Variants in SRGAP2C observed in about 807,000 individuals in gnomAD.
SRGAP2C encodes SLIT-ROBO Rho GTPase activating protein 2C.
A neutral mutation model predicts 25.1 loss-of-function variants in SRGAP2C; 15 were observed. The ratio of observed to expected loss-of-function variants is 0.60; its 90% confidence interval spans 0.40 to 0.92. The LOEUF (loss-of-function observed/expected upper bound fraction) is 0.92, where lower values mean the gene tolerates loss of function less well. Ranked by LOEUF, SRGAP2C falls within the 40% of genes least tolerant of loss-of-function variation. The probability of loss-of-function intolerance (pLI) is 0.00; values close to 1 mark genes in which losing one functional copy is unlikely to be tolerated. For synonymous variants in SRGAP2C, 44 were observed against 96.6 expected, an observed-to-expected ratio of 0.46 and a Z score of 3.19; for missense variants, 144 against 264.4, an observed-to-expected ratio of 0.54 and a Z score of 3.16.
chr1:121,190,069 G>T, intron 2 of SRGAP2C, among the ~76,000 whole-genome samples: 1 of 151,474 alleles, frequency 6.6e-6, no homozygotes, highest in Middle Eastern at 3.5e-3. Context: ...CTCTACCCTC[G>T]TGGAGCTTAT....
rs1137590 is a variant in SRGAP2C at position 121,390,861 on chromosome 1, T to A, written c.*3006T>A. The A allele has an allele frequency of 0.59, 89,005 of 150,404 alleles. 26,430 individuals carry two copies. Among genetic ancestry groups the A allele is most frequent in the East Asian group, 0.8 (4,033 of 5,056 alleles). The allele number at this position is 150,404 out of a possible 1,614,324, so 9.3% of individuals were successfully genotyped here. ...TTCAAGACCAGCCTGGACAATGTGGTGAAACCCTGTCTCTACTAAAAACAC... is the reference window on the plus strand; with the variant it reads ...TTCAAGACCAGCCTGGACAATGTGGAGAAACCCTGTCTCTACTAAAAACAC... On this transcript the variant is annotated 3_prime_UTR_variant, in exon 10 of 10. Coordinates refer to ENST00000367123, the MANE Select transcript of SRGAP2C (RefSeq NM_001329984.2).
At chr1:121,204,693 T>C (rs1655075043) in intron 2 of SRGAP2C, among the ~76,000 whole-genome samples, 1 of 152,230 alleles carries the variant, frequency 6.6e-6, no homozygotes, top group Non-Finnish European at 1.5e-5. Flanking sequence ...CAATACCTGC[T>C]CCCGGATTTA....
chr1:121,362,855 T>G (rs1659233265), intron 4 of SRGAP2C: 1 of 141,088 alleles, frequency 7.1e-6, no homozygotes, highest in South Asian at 2.5e-4. Flanking sequence ...TCTTGTGGCT[T>G]CTTCCAGCAG....
chr1:121,264,642 T>G (rs1293979860), intron 2 of SRGAP2C, among the ~76,000 whole-genome samples: 1 of 151,302 alleles, frequency 6.6e-6, no homozygotes, highest in Non-Finnish European at 1.5e-5. Context: ...CCTGCCTTCT[T>G]CCCATAGGTA....
chr1:121,287,846 C>T (rs1290055260), intron 3 of SRGAP2C, among the ~76,000 whole-genome samples: 1 of 151,992 alleles, frequency 6.6e-6, no homozygotes, highest in Non-Finnish European at 1.5e-5. Flanking sequence ...GTGAGTGTTA[C>T]AGCTCTTAAG....
intron 2 of SRGAP2C, among the ~76,000 whole-genome samples, chr1:121,211,279 A>G (rs1655245766): frequency 6.7e-6 from 1 of 148,282 alleles, no homozygotes; most frequent in African/African-American, 2.5e-5. Flanking sequence ...TACCTCATTT[A>G]TTCTCTAGGG....
At chr1:121,213,206 C>T (rs1655310931) in intron 2 of SRGAP2C, among the ~76,000 whole-genome samples, 1 of 148,712 alleles carries the variant, frequency 6.7e-6, no homozygotes, top group Non-Finnish European at 1.5e-5. Context: ...TCACCATGCT[C>T]TTGTAATTTT....
chr1:121,303,969 C>A (rs1321174703), intron 3 of SRGAP2C, among the ~76,000 whole-genome samples: 1 of 146,028 alleles, frequency 6.8e-6, no homozygotes, highest in Admixed American at 6.8e-5. Context: ...CTTTGGGAGG[C>A]CGAGGCGGGC....
intron 3 of SRGAP2C, among the ~76,000 whole-genome samples, chr1:121,315,620 C>T (rs1553340530): frequency 6.7e-6 from 1 of 149,682 alleles, no homozygotes; most frequent in East Asian, 2.0e-4. Flanking sequence ...TTAGAGCACA[C>T]AAGCCAATGG....
chr1:121,231,624 A>T (rs1334481688), intron 2 of SRGAP2C, among the ~76,000 whole-genome samples: 51 of 151,916 alleles, frequency 3.4e-4, no homozygotes, highest in African/African-American at 1.1e-3. Context: ...AAGTCAGAAG[A>T]TGTTATGATT....
In SRGAP2C at chr1:121,290,817, T is replaced by TA. The variant is rs1412287473; in HGVS notation, c.260+5837dup. On this transcript the variant is annotated intron_variant, in intron 3 of 9. Transcript: ENST00000367123. ...GGGTGACAGAGTGAGACCCTGTGTC[T>TA]AAAAAAAAAAAAAAATCCCTGGTTA... is the stretch of plus-strand genomic sequence containing the variant. Among the ~76,000 whole-genome samples, 204 of 38,134 alleles carry TA rather than the reference T, an allele frequency of 5.3e-3. 5 individuals carry two copies. The highest frequency in any genetic ancestry group is 0.021 in the African/African-American group (180 of 8,564). The allele number at this position is 38,134 out of a possible 152,430, so 25.0% of individuals were successfully genotyped here. A position where few individuals can be genotyped will look rare whatever the true frequency, so the allele number is the denominator to read the frequency against.
chr1:121,368,596 G>T (rs1384254421), intron 5 of SRGAP2C, among the ~76,000 whole-genome samples: 3 of 151,876 alleles, frequency 2.0e-5, no homozygotes, highest in Non-Finnish European at 2.9e-5. Context: ...GGTTAAAAAG[G>T]GTTAATTGGT....
chr1:121,265,677 GT>G (rs1656758719), intron 2 of SRGAP2C, among the ~76,000 whole-genome samples: 2 of 147,006 alleles, frequency 1.4e-5, no homozygotes, highest in Non-Finnish European at 3.0e-5. Context: ...CATGGTAGCG[GT>G]TACCACAGAG....
chr1:121,259,843 C>CT (rs782529398), intron 2 of SRGAP2C, among the ~76,000 whole-genome samples: 4,651 of 107,678 alleles, frequency 0.043, 188 homozygotes, highest in East Asian at 0.17. Flanking sequence ...TCTTCTTCTA[C>CT]TTTTTTTTTT....
intron 2 of SRGAP2C, among the ~76,000 whole-genome samples, chr1:121,233,185 C>T (rs1176331868): frequency 0.014 from 1,698 of 119,750 alleles, no homozygotes; most frequent in Middle Eastern, 0.06. Context: ...CTTGCTCTGT[C>T]GCCCAGTCTG....
chr1:121,308,880 G>A (rs1435945704), intron 3 of SRGAP2C, among the ~76,000 whole-genome samples: 18 of 139,374 alleles, frequency 1.3e-4, no homozygotes, highest in Non-Finnish European at 2.2e-4. Context: ...CGGAGGTTGC[G>A]GTGAGCCGAG....
At chr1:121,305,204 G>A (rs1222758417) in intron 3 of SRGAP2C, among the ~76,000 whole-genome samples, 3 of 151,482 alleles carry the variant, frequency 2.0e-5, no homozygotes, top group African/African-American at 7.3e-5. Context: ...CAAGAATCCA[G>A]CATCAGCATC....
chr1:121,255,344 A>G (rs1553332172), intron 2 of SRGAP2C, among the ~76,000 whole-genome samples: 2 of 151,860 alleles, frequency 1.3e-5, no homozygotes, highest in Non-Finnish European at 2.9e-5. Flanking sequence ...TTTCAGAATA[A>G]GTGCTTCTAC....
At chr1:121,309,569 C>A (rs1657933615) in intron 3 of SRGAP2C, among the ~76,000 whole-genome samples, 1 of 151,764 alleles carries the variant, frequency 6.6e-6, no homozygotes, top group Non-Finnish European at 1.5e-5. Flanking sequence ...GCTATCCCTC[C>A]CCACTCCCCC....
Sources: gnomAD v4.1 joint callset for allele counts (sites outside exome capture counted in the v4.1 genomes callset) on GRCh38, gnomAD v4.1.1 for gene constraint, MANE v1.5 for transcripts, NCBI Gene and HGNC (gene_info 2026-07-23, HGNC 2026-07-21) for gene names.